Variants in NINJ2 observed in about 807,000 individuals in gnomAD.
NINJ2 encodes ninjurin-2.
A neutral mutation model predicts 11.7 loss-of-function variants in NINJ2; 12 were observed. The observed-to-expected ratio is 1.02, with a 90% CI of 0.66 to 1.66. The LOEUF (loss-of-function observed/expected upper bound fraction) is 1.66. NINJ2 is among the 40% of genes most tolerant of loss of function. NINJ2 has a pLI of 0.00. For synonymous variants in NINJ2, 93 were observed against 76.8 expected (o/e 1.21, Z -1.10); for missense variants, 187 against 181.8 (o/e 1.03, Z -0.16).
intron 1 of NINJ2, among the ~76,000 whole-genome samples, chr12:579,605 G>A (rs530758046): frequency 3.3e-5 from 5 of 152,092 alleles, no homozygotes; most frequent in South Asian, 4.2e-4. Context: ...CGGATTCACC[G>A]AGCCCAGGAC....
At chr12:607,154 G>C (rs575235495) in intron 1 of NINJ2, among the ~76,000 whole-genome samples, 2 of 152,150 alleles carry the variant, frequency 1.3e-5, no homozygotes, top group Non-Finnish European at 2.9e-5. Context: ...CTGGGAGCTT[G>C]CTGGAAATGC....
chr12:565,331 C>A lies in NINJ2; in HGVS notation c.333G>T (p.Leu111Phe), dbSNP rs760192091. The change falls in exon 3 of 4, where the codon TTG becomes TTT. Residue 111 changes from leucine (L) to phenylalanine (F), a missense_variant. Leu to Phe is a conservative substitution (Grantham distance 22, BLOSUM62 0). Coordinates refer to ENST00000305108, the MANE Select transcript of NINJ2 (RefSeq NM_016533.6). ...CATTGATGACCACAGTGAAGAAGAC[C>A]AAGATGGTGGCTGCGTTGTTGAGCT... ...LNQLNNAATI[L>F]VFFTVVINVF... 5 of 1,614,064 alleles carry A rather than the reference C, an allele frequency of 3.1e-6. No homozygotes were observed. In the South Asian group the frequency reaches 5.5e-5, roughly 18 times the overall value.
chr12:642,522 CCGGCGCT>C (rs1384768453), intron 1 of NINJ2, among the ~76,000 whole-genome samples: 3 of 152,240 alleles, frequency 2.0e-5, no homozygotes, highest in African/African-American at 7.2e-5. Context: ...GCCACCGCGC[CCGGCGCT>C]ATTATTATTA....
chr12:584,697 T>C (rs1048244788), intron 1 of NINJ2, among the ~76,000 whole-genome samples: 1 of 151,716 alleles, frequency 6.6e-6, no homozygotes, highest in Non-Finnish European at 1.5e-5. Flanking sequence ...TCCCAGCTGC[T>C]CAGGAGGCTA....
intron 1 of NINJ2, among the ~76,000 whole-genome samples, chr12:588,195 G>A (rs1180456014): frequency 2.8e-5 from 2 of 70,194 alleles, no homozygotes; most frequent in South Asian, 1.0e-3. Context: ...CGGAAGGGAC[G>A]GAGGGGACGG....
In NINJ2 at chr12:660,163, G is replaced by A. The variant is rs867948987; in HGVS notation, c.33+3165C>T. Among the ~76,000 whole-genome samples the A allele has an allele frequency of 2.0e-4, 31 of 151,722 alleles. No homozygotes were observed. The Middle Eastern group carries it at 0.037, about 183-fold the overall frequency. ...ATTAGCTGGGCATGGTAGTGCACAT[G>A]TGTGGTCCCAGCTATTTAGGAGGCT... On this transcript the variant is annotated intron_variant, in intron 1 of 3. Coordinates refer to ENST00000305108, the MANE Select transcript of NINJ2 (RefSeq NM_016533.6).
At chr12:593,175 C>T (rs1466364343) in intron 1 of NINJ2, among the ~76,000 whole-genome samples, 6 of 152,078 alleles carry the variant, frequency 3.9e-5, no homozygotes, top group African/African-American at 1.4e-4. Flanking sequence ...AGGTTCACTG[C>T]AATACTAACT....
chr12:577,137 G>A (rs1947472021), intron 1 of NINJ2, among the ~76,000 whole-genome samples: 1 of 152,024 alleles, frequency 6.6e-6, no homozygotes, highest in Non-Finnish European at 1.5e-5. Context: ...ACTGTCCTTC[G>A]AGTAGCCATA....
At chr12:641,918 G>C (rs1389316159) in intron 1 of NINJ2, among the ~76,000 whole-genome samples, 1 of 151,680 alleles carries the variant, frequency 6.6e-6, no homozygotes, top group Non-Finnish European at 1.5e-5. Context: ...ACATTTCCTA[G>C]ACTGGCTCAG....
Position 615,445 on chromosome 12 carries a change from G to A in NINJ2, c.33+47883C>T, listed in dbSNP as rs190175400. ...CTCTACCAAAAATAAAAAATTAGCC[G>A]GGCGTAGTGGCGCATGCCTGTAATC... On this transcript the variant is annotated intron_variant, in intron 1 of 3. Transcript: ENST00000305108. Among the ~76,000 whole-genome samples the A allele has an allele frequency of 1.9e-3, 288 of 152,178 alleles. 1 individual carries two copies. The highest frequency in any genetic ancestry group is 3.1e-3 in the Non-Finnish European group (212 of 68,014).
At position 581,514 on chromosome 12, in the gene NINJ2, G is replaced by A. The variant is rs996615664; in HGVS notation, c.34-15336C>T. 2.6e-5 allele frequency among the ~76,000 whole-genome samples: 4 copies of A among 152,186 alleles called. No individual in the cohort carries two copies. The highest frequency in any genetic ancestry group is 5.9e-5 in the Non-Finnish European group (4 of 68,026). On this transcript the variant is annotated intron_variant, in intron 1 of 3. Coordinates refer to ENST00000305108, the MANE Select transcript of NINJ2 (RefSeq NM_016533.6). This position sits in a 1 kb window ranked among gnomAD's most constrained non-coding sequence, Gnocchi z 4.9. ...TGCCTTTTCCCTGCCAGCAAAGCAG[G>A]TCCAGCCTGGATCCTCATACCGGGG... is the stretch of plus-strand genomic sequence containing the variant.
At position 580,896 on chromosome 12, in the gene NINJ2, GTGTC is replaced by G. The variant is rs375576876; in HGVS notation, c.34-14722_34-14719del. On this transcript the variant is annotated intron_variant, in intron 1 of 3. Coordinates refer to ENST00000305108, the MANE Select transcript of NINJ2 (RefSeq NM_016533.6). The surrounding 1 kb of genome is among the most constrained non-coding windows in gnomAD (Gnocchi z 4.7). ...TGAATGTGTCTATGCATGTGTCTGTGTGTCTGTGTGTGTGTCTGTATGTTTGTGT... is the reference window on the plus strand; with the variant it reads ...TGAATGTGTCTATGCATGTGTCTGTGTGTGTGTGTGTCTGTATGTTTGTGT... 5.0e-4 allele frequency among the ~76,000 whole-genome samples: 76 copies of G among 151,968 alleles called. No homozygotes were observed. The East Asian group carries it at 9.2e-3, about 18-fold the overall frequency.
At chr12:661,879 A>C (rs11612275) in intron 1 of NINJ2, among the ~76,000 whole-genome samples, 30,273 of 152,168 alleles carry the variant, frequency 0.2, 3,114 homozygotes, top group South Asian at 0.27. Context: ...TTCTAAAGCA[A>C]TGACCGTGTA....
chr12:580,808 CTG>C lies in NINJ2; in HGVS notation c.34-14632_34-14631del, dbSNP rs1273450718. ...CAATGTGTTTTCTGTGTGTGTGTGTCTGTGTGTATGCGTGTGTGTCTGTGTGT... is the reference window on the plus strand; with the variant it reads ...CAATGTGTTTTCTGTGTGTGTGTGTCTGTGTATGCGTGTGTGTCTGTGTGT... On this transcript the variant is annotated intron_variant, in intron 1 of 3. Coordinates refer to ENST00000305108, the MANE Select transcript of NINJ2 (RefSeq NM_016533.6). This position sits in a 1 kb window ranked among gnomAD's most constrained non-coding sequence, Gnocchi z 4.7. 6.6e-6 allele frequency among the ~76,000 whole-genome samples: 1 copy of C among 151,386 alleles called. No individual in the cohort carries two copies. The highest frequency in any genetic ancestry group is 1.5e-5 in the Non-Finnish European group (1 of 67,786).
At chr12:565,464 A>C (rs1947282875) in intron 2 of NINJ2, 63 bp from the exon 3 acceptor site, 1 of 1,517,212 alleles carries the variant, frequency 6.6e-7, no homozygotes, top group African/African-American at 1.4e-5. Context: ...AGCTGCCCCC[A>C]CAACACCCAC....
chr12:614,452 G>T lies in NINJ2; in HGVS notation c.34-48274C>A, dbSNP rs1265047155. On this transcript the variant is annotated intron_variant, in intron 1 of 3. Transcript: ENST00000305108. The surrounding 1 kb of genome is among the most constrained non-coding windows in gnomAD (Gnocchi z 5.1). ...CTGTGCGTGAGCTTCATGCCCAGGGGACATGGTGGGGTGGGGGTGGCGGTG... is the reference window on the plus strand; with the variant it reads ...CTGTGCGTGAGCTTCATGCCCAGGGTACATGGTGGGGTGGGGGTGGCGGTG... Among the ~76,000 whole-genome samples, 1 of 152,022 alleles carries T rather than the reference G, an allele frequency of 6.6e-6. No individual in the cohort carries two copies. The highest frequency in any genetic ancestry group is 2.4e-5 in the African/African-American group (1 of 41,390).
At chr12:658,687 T>TGG (rs1937909281) in intron 1 of NINJ2, among the ~76,000 whole-genome samples, 1 of 150,424 alleles carries the variant, frequency 6.6e-6, no homozygotes, top group Non-Finnish European at 1.5e-5. Flanking sequence ...TATGCTATGC[T>TGG]ATGCTATGCT....
intron 1 of NINJ2, among the ~76,000 whole-genome samples, chr12:587,646 C>G (rs987291212): frequency 2.6e-5 from 4 of 152,152 alleles, no homozygotes; most frequent in Non-Finnish European, 5.9e-5. Flanking sequence ...TCTCACCCTG[C>G]CCAGCGCTGA....
chr12:614,011 C>T lies in NINJ2; in HGVS notation c.34-47833G>A, dbSNP rs1948064081. On this transcript the variant is annotated intron_variant, in intron 1 of 3. Transcript: ENST00000305108. This position sits in a 1 kb window ranked among gnomAD's most constrained non-coding sequence, Gnocchi z 5.1. ...GGTACCTCCACCATGTGCCAGGCCC[C>T]ACACTGGCATTTTCTTTCCAGGTGC... 6.6e-6 allele frequency among the ~76,000 whole-genome samples: 1 copy of T among 152,230 alleles called. No homozygotes were observed. The highest frequency in any genetic ancestry group is 2.4e-5 in the African/African-American group (1 of 41,464).
Sources: allele counts gnomAD v4.1 joint callset (sites outside exome capture counted in the v4.1 genomes callset), GRCh38; gene constraint gnomAD v4.1.1; non-coding constraint Gnocchi (gnomAD v3.1); transcripts MANE v1.5; gene names NCBI Gene and HGNC (gene_info 2026-07-23, HGNC 2026-07-21).